Variants in NOS1AP observed in about 807,000 individuals in gnomAD.
The protein encoded by NOS1AP is carboxyl-terminal PDZ ligand of neuronal nitric oxide synthase protein.
In NOS1AP, 21 loss-of-function variants were observed where a neutral mutation model predicts 56.2. The observed-to-expected ratio is 0.37, with a 90% confidence interval of 0.26 to 0.54. The LOEUF (loss-of-function observed/expected upper bound fraction) is 0.54. NOS1AP is among the 20% of genes least tolerant of loss of function. NOS1AP has a pLI of 0.84. For synonymous variants in NOS1AP, 270 were observed against 274.6 expected (o/e 0.98, Z 0.17); for missense variants, 522 against 657.8 (o/e 0.79, Z 2.26).
chr1:162,155,265 TACACATACATATACACATATATAC>T (rs1390251215), intron 2 of NOS1AP, among the ~76,000 whole-genome samples: 31 of 146,100 alleles, frequency 2.1e-4, no homozygotes, highest in Non-Finnish European at 3.9e-4. Flanking sequence ...CATATATATA[TACACATACATATACACATATATAC>T]ATATATATGT....
At chr1:162,261,484 G>GAGAGAGAGAGAGAGAGAGAAGAGA (rs1654212915) in intron 2 of NOS1AP, among the ~76,000 whole-genome samples, 1 of 68 alleles carries the variant, frequency 0.015, no homozygotes, top group African/African-American at 0.018. Flanking sequence ...GAGAGAGAGA[G>GAGAGAGAGAGAGAGAGAGAAGAGA]AGAGAGAGAG....
At chr1:162,240,931 A>C (rs1216794000) in intron 2 of NOS1AP, among the ~76,000 whole-genome samples, 1 of 152,168 alleles carries the variant, frequency 6.6e-6, no homozygotes, top group Non-Finnish European at 1.5e-5. Flanking sequence ...TGCACACTGG[A>C]AGCAGGGCAG....
intron 4 of NOS1AP, among the ~76,000 whole-genome samples, chr1:162,311,672 G>A (rs1292818009): frequency 1.3e-5 from 2 of 148,560 alleles, no homozygotes; most frequent in East Asian, 2.0e-4. Context: ...ATGCTGGTGC[G>A]CTGCACCCAC....
intron 4 of NOS1AP, among the ~76,000 whole-genome samples, chr1:162,331,501 T>A (rs188310846): frequency 5.4e-4 from 82 of 152,276 alleles, no homozygotes; most frequent in African/African-American, 1.7e-3. Context: ...CTATTAGTAG[T>A]CCCATTGTAC....
intron 1 of NOS1AP, among the ~76,000 whole-genome samples, chr1:162,121,991 A>G (rs1239166220): frequency 6.6e-6 from 1 of 152,268 alleles, no homozygotes; most frequent in Non-Finnish European, 1.5e-5. Context: ...CCTAGTATTT[A>G]AAAGCTGGAA....
chr1:162,292,785 C>T (rs2101745143), intron 3 of NOS1AP, among the ~76,000 whole-genome samples: 1 of 152,282 alleles, frequency 6.6e-6, no homozygotes, highest in South Asian at 2.1e-4. Context: ...GTGCTGGTTA[C>T]TATGGAAACA....
chr1:162,305,013 T>A (rs564699182), intron 4 of NOS1AP, among the ~76,000 whole-genome samples: 1 of 152,204 alleles, frequency 6.6e-6, no homozygotes, highest in Non-Finnish European at 1.5e-5. Flanking sequence ...GCTGGCTTAC[T>A]GAAGTGTTCA....
At chr1:162,136,442 A>G (rs1187351609) in intron 1 of NOS1AP, among the ~76,000 whole-genome samples, 1 of 152,222 alleles carries the variant, frequency 6.6e-6, no homozygotes, top group Non-Finnish European at 1.5e-5. Flanking sequence ...AATGCAAGAC[A>G]TCATTCTTTT....
intron 1 of NOS1AP, among the ~76,000 whole-genome samples, chr1:162,138,158 A>G (rs568746451): frequency 5.0e-4 from 76 of 152,352 alleles, no homozygotes; most frequent in African/African-American, 1.8e-3. Flanking sequence ...CTAACAGCTT[A>G]AAGCAATCAT....
intron 1 of NOS1AP, among the ~76,000 whole-genome samples, chr1:162,143,415 A>G (rs994511883): frequency 1.3e-5 from 2 of 152,182 alleles, no homozygotes; most frequent in African/African-American, 4.8e-5. Flanking sequence ...TCACAAAGCA[A>G]GAACATGATA....
intron 2 of NOS1AP, among the ~76,000 whole-genome samples, chr1:162,238,947 A>G (rs1219462231): frequency 1.3e-5 from 2 of 152,210 alleles, no homozygotes; most frequent in Non-Finnish European, 2.9e-5. Flanking sequence ...ATATTGTGTT[A>G]TTTATGTAAG....
At chr1:162,245,727 G>T (rs1653641242) in intron 2 of NOS1AP, among the ~76,000 whole-genome samples, 1 of 152,228 alleles carries the variant, frequency 6.6e-6, no homozygotes. Flanking sequence ...TAGAGAAAAG[G>T]ATCAGAACGA....
At chr1:162,339,797 A>T (rs1409851305) in intron 5 of NOS1AP, among the ~76,000 whole-genome samples, 1 of 152,224 alleles carries the variant, frequency 6.6e-6, no homozygotes, top group Non-Finnish European at 1.5e-5. Flanking sequence ...TAGGCCTAGC[A>T]GGCAGGAGCC....
chr1:162,281,895 C>T (rs1201246529), intron 2 of NOS1AP, among the ~76,000 whole-genome samples: 1 of 152,150 alleles, frequency 6.6e-6, no homozygotes, highest in Non-Finnish European at 1.5e-5. Flanking sequence ...CTGGGGCGGG[C>T]AGATCACCAG....
chr1:162,319,842 G>A (rs1280129144), intron 4 of NOS1AP, among the ~76,000 whole-genome samples: 1 of 152,096 alleles, frequency 6.6e-6, no homozygotes, highest in East Asian at 1.9e-4. Flanking sequence ...TTTGTGAACA[G>A]TCCTGTATTA....
intron 2 of NOS1AP, among the ~76,000 whole-genome samples, chr1:162,195,241 TTATTAA>T (rs942386598): frequency 3.9e-5 from 6 of 152,190 alleles, no homozygotes; most frequent in Non-Finnish European, 7.3e-5. Context: ...ACATTGATAA[TTATTAA>T]TATTAATACC....
At chr1:162,258,640 G>A (rs10919002) in intron 2 of NOS1AP, among the ~76,000 whole-genome samples, 29,971 of 152,078 alleles carry the variant, frequency 0.2, 3,298 homozygotes, top group East Asian at 0.42. Context: ...TTGCCTGACA[G>A]TAATGCCTAT....
intron 1 of NOS1AP, among the ~76,000 whole-genome samples, chr1:162,114,308 A>G (rs1415447522): frequency 1.3e-5 from 2 of 152,120 alleles, no homozygotes; most frequent in Non-Finnish European, 2.9e-5. Context: ...GAGCCGTTAG[A>G]CAAGTGCAAC....
At chr1:162,260,811 A>G (rs1482103035) in intron 2 of NOS1AP, among the ~76,000 whole-genome samples, 2 of 152,100 alleles carry the variant, frequency 1.3e-5, no homozygotes, top group Non-Finnish European at 2.9e-5. Flanking sequence ...GTAATTTGGA[A>G]CTGAGTATAA....
Sources: gnomAD v4.1 joint callset for allele counts (sites outside exome capture counted in the v4.1 genomes callset) on GRCh38, gnomAD v4.1.1 for gene constraint, MANE v1.5 for transcripts, NCBI Gene and HGNC (gene_info 2026-07-23, HGNC 2026-07-21) for gene names.